Variants in MARCHF11 observed in about 807,000 individuals in gnomAD.
MARCHF11 encodes membrane associated ring-CH-type finger 11.
Under a neutral mutation model 37.3 loss-of-function variants are expected in MARCHF11, and 29 were observed. The ratio of observed to expected loss-of-function variants is 0.78; its 90% CI spans 0.58 to 1.06. The LOEUF (loss-of-function observed/expected upper bound fraction) is 1.06, where lower values mean the gene tolerates loss of function less well. Ranked by LOEUF, MARCHF11 falls within the 50% of genes least tolerant of loss-of-function variation. MARCHF11 has a pLI of 0.00. For missense variants in MARCHF11, 482 were observed against 533.4 expected, an observed-to-expected ratio of 0.90 and a Z score of 0.95; for synonymous variants, 233 against 228.0, an observed-to-expected ratio of 1.02 and a Z score of -0.20.
intron 2 of MARCHF11, among the ~76,000 whole-genome samples, chr5:16,142,816 C>T (rs867554191): frequency 6.7e-6 from 1 of 150,216 alleles, no homozygotes; most frequent in African/African-American, 2.5e-5. Flanking sequence ...CTCAGCCTCC[C>T]GAGTAGCTGA....
At chr5:16,154,019 G>C (rs1737929233) in intron 2 of MARCHF11, among the ~76,000 whole-genome samples, 1 of 151,910 alleles carries the variant, frequency 6.6e-6, no homozygotes, top group Non-Finnish European at 1.5e-5. Flanking sequence ...AGGACAACGA[G>C]ATAGGAGAGC....
At chr5:16,172,276 A>G (rs1483434553) in intron 2 of MARCHF11, among the ~76,000 whole-genome samples, 1 of 152,232 alleles carries the variant, frequency 6.6e-6, no homozygotes, top group Non-Finnish European at 1.5e-5. Context: ...TGTTTTGAAA[A>G]TTAGTAAGCA....
chr5:16,087,664 G>C (rs1459130677), intron 3 of MARCHF11, among the ~76,000 whole-genome samples: 2 of 152,088 alleles, frequency 1.3e-5, no homozygotes, highest in East Asian at 3.9e-4. Flanking sequence ...CCCTGATCTA[G>C]ATGTTTCAAC....
intron 3 of MARCHF11, among the ~76,000 whole-genome samples, chr5:16,089,842 G>A (rs1736762185): frequency 1.3e-5 from 2 of 152,170 alleles, no homozygotes; most frequent in Admixed American, 6.5e-5. Flanking sequence ...AGACTTGCAT[G>A]GTTGGAATTA....
chr5:16,107,699 T>C (rs1169116879), intron 2 of MARCHF11, among the ~76,000 whole-genome samples: 1 of 151,844 alleles, frequency 6.6e-6, no homozygotes, highest in African/African-American at 2.4e-5. Flanking sequence ...CACGCCCCCC[T>C]ATCCTGTACC....
intron 2 of MARCHF11, among the ~76,000 whole-genome samples, chr5:16,144,049 T>C (rs554502499): frequency 1.3e-4 from 20 of 152,160 alleles, no homozygotes; most frequent in Non-Finnish European, 1.8e-4. Context: ...GATCAAGTAA[T>C]CCAGAATAAA....
At position 16,133,118 on chromosome 5, in the gene MARCHF11, G is replaced by C. The variant is rs1287596091; in HGVS notation, c.694-42037C>G. 5.9e-5 allele frequency among the ~76,000 whole-genome samples: 9 copies of C among 151,916 alleles called. No homozygotes were observed. In the East Asian group the frequency reaches 1.4e-3, roughly 23 times the overall value. ...ACTGTGGAAGATTGAAAAAAAAGTG[G>C]CCCCAATTATTCACTCTTCCTTGAT... is the stretch of plus-strand genomic sequence containing the variant. On this transcript the variant is annotated intron_variant, in intron 2 of 3. Transcript: ENST00000332432.
At chr5:16,131,441 A>G (rs963129856) in intron 2 of MARCHF11, among the ~76,000 whole-genome samples, 4 of 152,240 alleles carry the variant, frequency 2.6e-5, no homozygotes, top group African/African-American at 9.6e-5. Context: ...AATTATACTA[A>G]AAGAAGGGTG....
At chr5:16,160,333 TA>T (rs1560992293) in intron 2 of MARCHF11, among the ~76,000 whole-genome samples, 9 of 143,486 alleles carry the variant, frequency 6.3e-5, no homozygotes, top group African/African-American at 1.0e-4. Flanking sequence ...TTTAATAATT[TA>T]ATATATTAAT....
chr5:16,085,939 C>CAAAAAAAAAAAAAAAAAAAAAAAAAA (rs56782867), intron 3 of MARCHF11, among the ~76,000 whole-genome samples: 1 of 40,952 alleles, frequency 2.4e-5, no homozygotes, highest in African/African-American at 8.3e-5. Flanking sequence ...GACTCCATCT[C>CAAAAAAAAAAAAAAAAAAAAAAAAAA]AAAAAAAAAA....
Position 16,100,535 on chromosome 5 carries a change from G to GCCTC in MARCHF11, c.694-9455_694-9454insGAGG, listed in dbSNP as rs1288367399. Among the ~76,000 whole-genome samples, 181 of 152,320 alleles carry GCCTC rather than the reference G, an allele frequency of 1.2e-3. 3 individuals carry two copies. Among genetic ancestry groups the GCCTC allele is most frequent in the African/African-American group, 4.3e-3 (178 of 41,582 alleles). ...AGAGCCCAGTGATGTGGAGTGGAGA[G>GCCTC]TGACTCTAAATGGCAGAGGTAGCTG... On this transcript the variant is annotated intron_variant, in intron 2 of 3. Transcript: ENST00000332432.
At chr5:16,078,904 C>T (rs1283905065) in intron 3 of MARCHF11, among the ~76,000 whole-genome samples, 4 of 152,156 alleles carry the variant, frequency 2.6e-5, no homozygotes, top group African/African-American at 7.2e-5. Flanking sequence ...TGCTCCTGAG[C>T]CTCATGTGTT....
intron 2 of MARCHF11, among the ~76,000 whole-genome samples, chr5:16,124,279 T>C (rs1460051034): frequency 6.6e-6 from 1 of 152,144 alleles, no homozygotes; most frequent in Non-Finnish European, 1.5e-5. Context: ...GAATTATCTA[T>C]GTAAAGTGAC....
intron 2 of MARCHF11, among the ~76,000 whole-genome samples, chr5:16,103,384 C>T (rs1354565902): frequency 1.3e-5 from 2 of 152,118 alleles, no homozygotes; most frequent in African/African-American, 4.8e-5. Flanking sequence ...TTTATTGTTG[C>T]TAGAGAGTAG....
intron 2 of MARCHF11, among the ~76,000 whole-genome samples, chr5:16,153,906 C>G (rs184381919): frequency 6.6e-6 from 1 of 151,816 alleles, no homozygotes; most frequent in Non-Finnish European, 1.5e-5. Context: ...ATGTGCCTTC[C>G]CCTCTTTTTC....
intron 2 of MARCHF11, among the ~76,000 whole-genome samples, chr5:16,132,792 T>G (rs2126585521): frequency 6.6e-6 from 1 of 152,192 alleles, no homozygotes; most frequent in Admixed American, 6.5e-5. Flanking sequence ...GAGAGAAAAC[T>G]CTTCAAATGA....
intron 2 of MARCHF11, among the ~76,000 whole-genome samples, chr5:16,122,971 T>C (rs1004990004): frequency 3.3e-5 from 5 of 152,204 alleles, no homozygotes; most frequent in African/African-American, 1.2e-4. Flanking sequence ...TCTTTCAGTG[T>C]TGATGCTGTG....
intron 2 of MARCHF11, among the ~76,000 whole-genome samples, chr5:16,162,913 CCAA>C (rs199910763): frequency 0.011 from 1,602 of 152,056 alleles, 31 homozygotes; most frequent in African/African-American, 0.036. Context: ...TTTCATCCTT[CCAA>C]CAACATTAAG....
chr5:16,091,098 G>C lies in MARCHF11; in HGVS notation c.694-17C>G. The C allele has an allele frequency of 6.5e-7, 1 of 1,547,668 alleles. No individual in the cohort carries two copies. The highest frequency in any genetic ancestry group is 8.7e-7 in the Non-Finnish European group (1 of 1,148,148). On this transcript the variant is annotated splice_polypyrimidine_tract_variant and intron_variant, in intron 2 of 3. Coordinates refer to ENST00000332432, the MANE Select transcript of MARCHF11 (RefSeq NM_001102562.3). ...GCTCTGCCACTAAAAGAAAAACAGA[G>C]GCATGTAAGAAAGGAGCTGTGTATA... is the stretch of plus-strand genomic sequence containing the variant.
Sources: allele counts gnomAD v4.1 joint callset (sites outside exome capture counted in the v4.1 genomes callset), GRCh38; gene constraint gnomAD v4.1.1; transcripts MANE v1.5; gene names NCBI Gene and HGNC (gene_info 2026-07-23, HGNC 2026-07-21).